Variants in OR4X2 observed in about 807,000 individuals in gnomAD.
The protein encoded by OR4X2 is olfactory receptor family 4 subfamily X member 2.
For synonymous variants in OR4X2, 205 were observed against 136.6 expected, an observed-to-expected ratio of 1.50 and a Z score of -3.49; for missense variants, 554 against 359.5, an observed-to-expected ratio of 1.54 and a Z score of -4.38.
Position 48,245,664 on chromosome 11 carries a change from T to G in OR4X2, c.561T>G (p.Ile187Met). 1 of 1,614,184 alleles carries G rather than the reference T, an allele frequency of 6.2e-7. No individual in the cohort carries two copies. ...TTGCCTGCTCTGACACCTTCCTCAT[T>G]GGTCTGCTGATTGTTGCCAATGGAG... ...LKLACSDTFL[I>M]GLLIVANGGT... is the part of the protein sequence containing the mutation. Residue 187 changes from isoleucine to methionine, a missense_variant, in exon 1 of 1, where the codon ATT (isoleucine) becomes ATG (methionine). Physicochemically the swap from Ile to Met is conservative, Grantham distance 10. Transcript: ENST00000624868.
chr11:48,245,942 C>T lies in OR4X2; in HGVS notation c.839C>T (p.Ser280Phe). The T allele has an allele frequency of 6.2e-7, 1 of 1,614,100 alleles. No individual in the cohort carries two copies. Among genetic ancestry groups the T allele is most frequent in the Non-Finnish European group, 8.5e-7 (1 of 1,179,990 alleles). ...ITAILNPVIY[S>F]LRNAEMRKAM... ...GCGATCCTGAACCCTGTCATCTACT[C>T]TCTGAGAAATGCTGAAATGAGGAAG... is the stretch of plus-strand genomic sequence containing the variant. The change falls in exon 1 of 1, where the codon TCT becomes TTT. Residue 280 changes from serine (S) to phenylalanine (F), a missense_variant. Ser to Phe is a radical substitution (Grantham distance 155, BLOSUM62 -2). Coordinates refer to ENST00000624868, the MANE Select transcript of OR4X2 (RefSeq NM_001004727.1).
At position 48,245,630 on chromosome 11, in the gene OR4X2, T is replaced by TAGG. The variant is rs1451145184; in HGVS notation, c.527_528insAGG (p.Leu176_Leu177insGly). 5.0e-6 allele frequency: 8 copies of TAGG among 1,614,072 alleles called. No homozygotes were observed. Among genetic ancestry groups the TAGG allele is most frequent in the Non-Finnish European group, 6.8e-6 (8 of 1,180,028 alleles). ...CACTATTTCTGTGACCTAGTTCCCC[T>TAGG]TCTCAAACTTGCCTGCTCTGACACC... On this transcript the variant is annotated inframe_insertion, in exon 1 of 1. Coordinates refer to ENST00000624868, the MANE Select transcript of OR4X2 (RefSeq NM_001004727.1).
rs1859065501 is a variant in OR4X2 at position 48,245,802 on chromosome 11, G to A, written c.699G>A (p.Gly233=). The A allele has an allele frequency of 1.9e-6, 3 of 1,614,048 alleles. No individual in the cohort carries two copies. The highest frequency in any genetic ancestry group is 2.2e-5 in the East Asian group (1 of 44,858). Residue 233 remains glycine (G), a synonymous_variant, in exon 1 of 1, where the codon GGG becomes GGA. Coordinates refer to ENST00000624868, the MANE Select transcript of OR4X2 (RefSeq NM_001004727.1). ...EGWCKALSTC[G]SHFAVVILFF... The stretch of plus-strand genomic sequence containing the variant: ...GGTGCAAAGCCCTCTCCACCTGTGG[G>A]TCCCATTTCGCTGTGGTTATCTTGT...
At position 48,245,289 on chromosome 11, in the gene OR4X2, G is replaced by A. The variant is rs745829244; in HGVS notation, c.186G>A (p.Glu62=). The change falls in exon 1 of 1, where the codon GAG becomes GAA. Residue 62 remains glutamate (E), a synonymous_variant. Transcript: ENST00000624868. ...YFFLSYLSFM[E]ICYSSATAPK... is the part of the protein sequence containing the mutation. ...TCCTCAGCTACCTCTCCTTCATGGA[G>A]ATCTGCTACTCCTCCGCTACAGCCC... The A allele has an allele frequency of 7.4e-6, 12 of 1,613,996 alleles. No homozygotes were observed. Among genetic ancestry groups the A allele is most frequent in the Non-Finnish European group, 9.3e-6 (11 of 1,180,036 alleles).
rs1397861573 is a variant in OR4X2 at position 48,245,871 on chromosome 11, T to A, written c.768T>A (p.Thr256=). 2 of 1,614,074 alleles carry A rather than the reference T, an allele frequency of 1.2e-6. No homozygotes were observed. Among genetic ancestry groups the A allele is most frequent in the South Asian group, 2.2e-5 (2 of 91,078 alleles). The change falls in exon 1 of 1, where the codon ACT becomes ACA. Residue 256 remains threonine, a synonymous_variant. Transcript: ENST00000624868. ...CVFNSLRPST[T]LPIDKMVAVF... is the part of the protein sequence containing the mutation. ...TCAACTCTCTGAGGCCTTCTACCAC[T>A]CTGCCCATAGACAAGATGGTGGCTG... is the stretch of plus-strand genomic sequence containing the variant.
In OR4X2 at chr11:48,245,444, A is replaced by T. The variant is rs1859054853; in HGVS notation, c.341A>T (p.His114Leu). 1.9e-6 allele frequency: 3 copies of T among 1,613,876 alleles called. No homozygotes were observed. The highest frequency in any genetic ancestry group is 3.3e-5 in the Admixed American group (2 of 59,978). ...CTGCTCACTGTGATGGCCTATGACC[A>T]CTATGTGGCCATCTGCAAGCCCCTC... Reference protein sequence around the residue: ...IFLLTVMAYDHYVAICKPLSY... With the variant: ...IFLLTVMAYDLYVAICKPLSY... Residue 114 changes from histidine to leucine, a missense_variant, in exon 1 of 1, where the codon CAC becomes CTC. Transcript: ENST00000624868.
Position 48,245,808 on chromosome 11 carries a change from T to C in OR4X2, c.705T>C (p.His235=). 6.2e-7 allele frequency: 1 copy of C among 1,614,062 alleles called. No homozygotes were observed. Among genetic ancestry groups the C allele is most frequent in the Non-Finnish European group, 8.5e-7 (1 of 1,180,008 alleles). Residue 235 remains histidine, a synonymous_variant, in exon 1 of 1, where the codon CAT becomes CAC. Transcript: ENST00000624868. ...AAGCCCTCTCCACCTGTGGGTCCCA[T>C]TTCGCTGTGGTTATCTTGTTCTTTG... is the stretch of plus-strand genomic sequence containing the variant. ...WCKALSTCGS[H]FAVVILFFGP... is the part of the protein sequence containing the mutation.
Position 48,245,522 on chromosome 11 carries a change from CATGGGTGGGA to C in OR4X2, c.420_429del (p.Trp141AlafsTer22), listed in dbSNP as rs765618451. On this transcript the variant is annotated frameshift_variant, in exon 1 of 1. Coordinates refer to ENST00000624868, the MANE Select transcript of OR4X2 (RefSeq NM_001004727.1). LOFTEE classifies it low-confidence loss of function (END_TRUNC). ...GTGTGTACTGTCCTTGTAGGAATAGCATGGGTGGGAGGCTTCATGCATTCCTTTGCACAAA... is the reference window on the plus strand; with the variant it reads ...GTGTGTACTGTCCTTGTAGGAATAGCGGCTTCATGCATTCCTTTGCACAAA... 6.2e-7 allele frequency: 1 copy of C among 1,614,186 alleles called. No homozygotes were observed. The highest frequency in any genetic ancestry group is 1.1e-5 in the South Asian group (1 of 91,080).
In OR4X2 at chr11:48,245,727, A is replaced by C; in HGVS notation, c.624A>C (p.Ala208=). The C allele has an allele frequency of 6.2e-7, 1 of 1,614,048 alleles. No individual in the cohort carries two copies. The highest frequency in any genetic ancestry group is 2.2e-5 in the East Asian group (1 of 44,878). ...TGATCAGTTTTGGGGTCCTCTTAGC[A>C]TCCTATATGGTCATCTTGCTCCATC... The part of the protein sequence containing the change: ...LSVISFGVLL[A]SYMVILLHLR... Residue 208 remains alanine, a synonymous_variant, in exon 1 of 1, where the codon GCA becomes GCC. Transcript: ENST00000624868.
rs535871935 is a variant in OR4X2 at position 48,245,135 on chromosome 11, C to T, written c.32C>T (p.Pro11Leu). 7 of 1,613,348 alleles carry T rather than the reference C, an allele frequency of 4.3e-6. No individual in the cohort carries two copies. In the Admixed American group the frequency reaches 8.3e-5, roughly 19 times the overall value. MTEFIFLVLSPNQEVQRVCFV... is the reference protein window; with the variant it reads MTEFIFLVLSLNQEVQRVCFV... ...GAATTCATTTTTCTGGTACTTTCTC[C>T]CAACCAGGAGGTGCAGAGGGTTTGC... The change falls in exon 1 of 1, where the codon CCC becomes CTC. Residue 11 changes from proline to leucine, a missense_variant. Coordinates refer to ENST00000624868, the MANE Select transcript of OR4X2 (RefSeq NM_001004727.1).
Position 48,246,002 on chromosome 11 carries a change from TA to T in OR4X2, c.902del (p.Asn301MetfsTer?). 6.2e-7 allele frequency: 1 copy of T among 1,612,090 alleles called. No homozygotes were observed. Among genetic ancestry groups the T allele is most frequent in the Non-Finnish European group, 8.5e-7 (1 of 1,179,012 alleles). ...MKRLWIRTLRLNEK is the reference protein window; with the variant it reads ...MKRLWIRTLRXNEK ...AGGCTGTGGATTAGGACATTGAGAC[TA>T]AATGAGAAATAGAGGCTGAGTCTTT... On this transcript the variant is annotated frameshift_variant, in exon 1 of 1. Transcript: ENST00000624868. LOFTEE classifies it high-confidence loss of function.
In OR4X2 at chr11:48,245,426, C is replaced by T. The variant is rs1283027128; in HGVS notation, c.323C>T (p.Thr108Ile). The change falls in exon 1 of 1, where the codon ACT (threonine) becomes ATT (isoleucine). Residue 108 changes from threonine to isoleucine, a missense_variant. Physicochemically the swap from Thr to Ile is moderately conservative, Grantham distance 89. Coordinates refer to ENST00000624868, the MANE Select transcript of OR4X2 (RefSeq NM_001004727.1). Reference sequence around the variant, plus strand: ...GGTGGCACTGAGATTTTCCTGCTCACTGTGATGGCCTATGACCACTATGTG... The same window carrying T: ...GGTGGCACTGAGATTTTCCTGCTCATTGTGATGGCCTATGACCACTATGTG... ...FFGGTEIFLLTVMAYDHYVAI... is the reference protein window; with the variant it reads ...FFGGTEIFLLIVMAYDHYVAI... The T allele has an allele frequency of 6.2e-7, 1 of 1,614,176 alleles. No homozygotes were observed. The highest frequency in any genetic ancestry group is 8.5e-7 in the Non-Finnish European group (1 of 1,180,034).
chr11:48,246,002 T>C lies in OR4X2; in HGVS notation c.899T>C (p.Leu300Pro). The change falls in exon 1 of 1, where the codon CTA (leucine) becomes CCA (proline). Residue 300 changes from leucine to proline, a missense_variant. Transcript: ENST00000624868. ...MKRLWIRTLRLNEK is the reference protein window; with the variant it reads ...MKRLWIRTLRPNEK Reference sequence around the variant, plus strand: ...AGGCTGTGGATTAGGACATTGAGACTAAATGAGAAATAGAGGCTGAGTCTT... The same window carrying C: ...AGGCTGTGGATTAGGACATTGAGACCAAATGAGAAATAGAGGCTGAGTCTT... The C allele has an allele frequency of 6.2e-7, 1 of 1,612,090 alleles. No individual in the cohort carries two copies. Among genetic ancestry groups the C allele is most frequent in the South Asian group, 1.1e-5 (1 of 90,944 alleles).
At position 48,245,483 on chromosome 11, in the gene OR4X2, T is replaced by C. The variant is rs765983913; in HGVS notation, c.380T>C (p.Ile127Thr). The C allele has an allele frequency of 6.2e-7, 1 of 1,614,170 alleles. No homozygotes were observed. Among genetic ancestry groups the C allele is most frequent in the South Asian group, 1.1e-5 (1 of 91,084 alleles). The change falls in exon 1 of 1, where the codon ATC (isoleucine) becomes ACC (threonine). Residue 127 changes from isoleucine to threonine, a missense_variant. Physicochemically the swap from Ile to Thr is moderately conservative, Grantham distance 89. Coordinates refer to ENST00000624868, the MANE Select transcript of OR4X2 (RefSeq NM_001004727.1). ...TGCAAGCCCCTCAGCTACACCACCA[T>C]CATGAACTGGCAGGTGTGTACTGTC... ...AICKPLSYTTIMNWQVCTVLV... is the reference protein window; with the variant it reads ...AICKPLSYTTTMNWQVCTVLV...
In OR4X2 at chr11:48,245,140, C is replaced by T; in HGVS notation, c.37C>T (p.Gln13Ter). ...EFIFLVLSPN[Q>*]EVQRVCFVIF... ...CATTTTTCTGGTACTTTCTCCCAAC[C>T]AGGAGGTGCAGAGGGTTTGCTTTGT... Residue 13 changes from glutamine to a stop codon, truncating the protein, a stop_gained, in exon 1 of 1, where the codon CAG becomes TAG. Transcript: ENST00000624868. LOFTEE classifies it low-confidence loss of function (END_TRUNC). 1 of 1,613,766 alleles carries T rather than the reference C, an allele frequency of 6.2e-7. No homozygotes were observed. The highest frequency in any genetic ancestry group is 8.5e-7 in the Non-Finnish European group (1 of 1,179,820).
In OR4X2 at chr11:48,245,857, A is replaced by C; in HGVS notation, c.754A>C (p.Arg252=). The change falls in exon 1 of 1, where the codon AGG becomes CGG. Residue 252 remains arginine, a synonymous_variant. Coordinates refer to ENST00000624868, the MANE Select transcript of OR4X2 (RefSeq NM_001004727.1). ...TGGGCCCTGCGTCTTCAACTCTCTGAGGCCTTCTACCACTCTGCCCATAGA... is the reference window on the plus strand; with the variant it reads ...TGGGCCCTGCGTCTTCAACTCTCTGCGGCCTTCTACCACTCTGCCCATAGA... The part of the protein sequence containing the change: ...FFGPCVFNSL[R]PSTTLPIDKM... 1 of 1,614,042 alleles carries C rather than the reference A, an allele frequency of 6.2e-7. No homozygotes were observed. Among genetic ancestry groups the C allele is most frequent in the Non-Finnish European group, 8.5e-7 (1 of 1,180,008 alleles).
In OR4X2 at chr11:48,245,880, A is replaced by T. The variant is rs752439871; in HGVS notation, c.777A>T (p.Ile259=). ...TGAGGCCTTCTACCACTCTGCCCAT[A>T]GACAAGATGGTGGCTGTGTTCTACA... The part of the protein sequence containing the change: ...NSLRPSTTLP[I]DKMVAVFYTV... The change falls in exon 1 of 1, where the codon ATA becomes ATT. Residue 259 remains isoleucine (I), a synonymous_variant. Transcript: ENST00000624868. 1.2e-6 allele frequency: 2 copies of T among 1,614,092 alleles called. No homozygotes were observed. The highest frequency in any genetic ancestry group is 1.7e-6 in the Non-Finnish European group (2 of 1,180,018).
rs780076198 is a variant in OR4X2 at position 48,245,345 on chromosome 11, G to C, written c.242G>C (p.Arg81Thr). The C allele has an allele frequency of 3.7e-6, 6 of 1,614,150 alleles. No homozygotes were observed. Among genetic ancestry groups the C allele is most frequent in the Non-Finnish European group, 1.7e-6 (2 of 1,180,034 alleles). ...CTCATCTCAGATCTGCTGGCTGAAA[G>C]GAAAGTCATATCTTGGTGGGGCTGC... is the stretch of plus-strand genomic sequence containing the variant. Reference protein sequence around the residue: ...PKLISDLLAERKVISWWGCMA... With the variant: ...PKLISDLLAETKVISWWGCMA... The change falls in exon 1 of 1, where the codon AGG becomes ACG. Residue 81 changes from arginine (R) to threonine (T), a missense_variant. Transcript: ENST00000624868.
chr11:48,245,281 T>C lies in OR4X2; in HGVS notation c.178T>C (p.Phe60Leu), dbSNP rs1171724155. 6.2e-7 allele frequency: 1 copy of C among 1,614,100 alleles called. No homozygotes were observed. The highest frequency in any genetic ancestry group is 1.1e-5 in the South Asian group (1 of 91,078). Residue 60 changes from phenylalanine (F) to leucine (L), a missense_variant, in exon 1 of 1, where the codon TTC becomes CTC. Coordinates refer to ENST00000624868, the MANE Select transcript of OR4X2 (RefSeq NM_001004727.1). ...PMYFFLSYLS[F>L]MEICYSSATA... ...GTACTTCTTCCTCAGCTACCTCTCC[T>C]TCATGGAGATCTGCTACTCCTCCGC... is the stretch of plus-strand genomic sequence containing the variant.
Sources: allele counts gnomAD v4.1 joint callset, GRCh38; gene constraint gnomAD v4.1.1; transcripts MANE v1.5; gene names NCBI Gene and HGNC (gene_info 2026-07-23, HGNC 2026-07-21).